Variants in RAP1A observed in about 807,000 individuals in gnomAD.
The protein encoded by RAP1A is ras-related protein Rap-1A.
Under a neutral mutation model 26.4 loss-of-function variants are expected in RAP1A, and 6 were observed. The ratio of observed to expected loss-of-function variants is 0.23; its 90% CI spans 0.12 to 0.45. The LOEUF is 0.45. Among genes scored for constraint, RAP1A ranks in the 20% least tolerant of loss-of-function variants. The pLI is 0.99. For synonymous variants in RAP1A, 73 were observed against 79.4 expected (o/e 0.92, Z 0.43); for missense variants, 121 against 217.2 (o/e 0.56, Z 2.78).
intron 1 of RAP1A, among the ~76,000 whole-genome samples, chr1:111,550,572 T>C (rs1232099524): frequency 1.3e-5 from 2 of 152,242 alleles, no homozygotes; most frequent in African/African-American, 4.8e-5. Flanking sequence ...CTAATGTCTC[T>C]TGCAATTTCT....
chr1:111,544,785 T>A (rs936063102), intron 1 of RAP1A, among the ~76,000 whole-genome samples: 97 of 150,336 alleles, frequency 6.5e-4, no homozygotes, highest in South Asian at 2.6e-3. Flanking sequence ...CATACCCAAT[T>A]TCTTGGGTAT....
At chr1:111,645,686 A>G (rs1660042576) in intron 1 of RAP1A, among the ~76,000 whole-genome samples, 1 of 152,190 alleles carries the variant, frequency 6.6e-6, no homozygotes, top group African/African-American at 2.4e-5. Context: ...ATTTACTCAA[A>G]TAACCCTGCG....
At chr1:111,621,617 A>G (rs1659205706) in intron 1 of RAP1A, among the ~76,000 whole-genome samples, 1 of 152,244 alleles carries the variant, frequency 6.6e-6, no homozygotes, top group Non-Finnish European at 1.5e-5. Flanking sequence ...GGTACCCTAT[A>G]TTAGGATACT....
At chr1:111,555,665 G>A (rs1163212549) in intron 1 of RAP1A, among the ~76,000 whole-genome samples, 2 of 152,044 alleles carry the variant, frequency 1.3e-5, no homozygotes, top group Non-Finnish European at 2.9e-5. Flanking sequence ...AATATTCAAA[G>A]AGATACTGTC....
chr1:111,551,068 A>G (rs1221729686), intron 1 of RAP1A, among the ~76,000 whole-genome samples: 2 of 152,134 alleles, frequency 1.3e-5, no homozygotes, highest in Admixed American at 6.5e-5. Flanking sequence ...TCTTTTTGCT[A>G]CTGTTTGCAG....
chr1:111,711,594 A>C (rs1662387329), intron 7 of RAP1A, among the ~76,000 whole-genome samples: 1 of 152,222 alleles, frequency 6.6e-6, no homozygotes, highest in South Asian at 2.1e-4. Context: ...GATAATACCA[A>C]ATAATAGGTG....
At chr1:111,670,334 C>T (rs1306475501) in intron 1 of RAP1A, among the ~76,000 whole-genome samples, 1 of 151,954 alleles carries the variant, frequency 6.6e-6, no homozygotes, top group Non-Finnish European at 1.5e-5. Flanking sequence ...ATTAGCCGGA[C>T]GTGGTGGCAT....
At chr1:111,588,056 C>T (rs1395463920) in intron 1 of RAP1A, among the ~76,000 whole-genome samples, 1 of 152,212 alleles carries the variant, frequency 6.6e-6, no homozygotes, top group Non-Finnish European at 1.5e-5. Flanking sequence ...ACTGAAACTT[C>T]TCTCTGCGTT....
chr1:111,664,785 T>C (rs1438951885), intron 1 of RAP1A, among the ~76,000 whole-genome samples: 3 of 152,246 alleles, frequency 2.0e-5, no homozygotes, highest in Admixed American at 6.5e-5. Context: ...GTGGCTTTTC[T>C]TCCTAGATAT....
intron 1 of RAP1A, among the ~76,000 whole-genome samples, chr1:111,642,588 C>T (rs1429997135): frequency 4.0e-5 from 6 of 151,622 alleles, no homozygotes; most frequent in African/African-American, 9.7e-5. Context: ...CCTAGGTTCA[C>T]GCCATTCTCC....
At chr1:111,610,046 C>T (rs1330377393) in intron 1 of RAP1A, among the ~76,000 whole-genome samples, 1 of 152,168 alleles carries the variant, frequency 6.6e-6, no homozygotes, top group Admixed American at 6.5e-5. Context: ...ACTATACGCC[C>T]CTTATGACCT....
At chr1:111,573,925 T>C (rs934196044) in intron 1 of RAP1A, among the ~76,000 whole-genome samples, 1 of 152,218 alleles carries the variant, frequency 6.6e-6, no homozygotes, top group Non-Finnish European at 1.5e-5. Flanking sequence ...ACTCTGTTGA[T>C]AGTATCTTTT....
At chr1:111,652,528 T>C (rs1660307215) in intron 1 of RAP1A, among the ~76,000 whole-genome samples, 1 of 152,132 alleles carries the variant, frequency 6.6e-6, no homozygotes, top group Admixed American at 6.6e-5. Flanking sequence ...ATAGGCCATA[T>C]GTGGCTCACA....
chr1:111,638,175 C>A (rs990892444), intron 1 of RAP1A, among the ~76,000 whole-genome samples: 1 of 151,996 alleles, frequency 6.6e-6, no homozygotes, highest in African/African-American at 2.4e-5. Context: ...TTTTGCCTAA[C>A]GCATTTTGCC....
chr1:111,615,042 G>A (rs532358173), upstream of RAP1A, among the ~76,000 whole-genome samples: 1 of 152,244 alleles, frequency 6.6e-6, no homozygotes, highest in Admixed American at 6.5e-5. Context: ...AGAGGGAATG[G>A]AAGGCATTTG....
At chr1:111,661,042 T>C (rs563720888) in intron 1 of RAP1A, among the ~76,000 whole-genome samples, 30 of 152,364 alleles carry the variant, frequency 2.0e-4, no homozygotes, top group African/African-American at 6.3e-4. Flanking sequence ...GACTTGTTTC[T>C]GGCAGGAGAG....
intron 1 of RAP1A, among the ~76,000 whole-genome samples, chr1:111,653,383 T>C (rs749716602): frequency 3.3e-5 from 5 of 151,946 alleles, no homozygotes; most frequent in Non-Finnish European, 5.9e-5. Context: ...CACTGAATTG[T>C]GTACTTGAAA....
intron 1 of RAP1A, among the ~76,000 whole-genome samples, chr1:111,552,747 A>G (rs1435112421): frequency 2.6e-5 from 4 of 152,192 alleles, no homozygotes; most frequent in Admixed American, 1.3e-4. Context: ...CACTTCCTAC[A>G]TGCATGACCT....
chr1:111,664,373 C>CAAAAAAAAA (rs57610280), intron 1 of RAP1A, among the ~76,000 whole-genome samples: 33 of 89,822 alleles, frequency 3.7e-4, no homozygotes, highest in African/African-American at 5.1e-4. Context: ...GACTCCGTCT[C>CAAAAAAAAA]AAAAAAAAAA....
Sources: gnomAD v4.1 joint callset for allele counts (sites outside exome capture counted in the v4.1 genomes callset) on GRCh38, gnomAD v4.1.1 for gene constraint, MANE v1.5 for transcripts, NCBI Gene and HGNC (gene_info 2026-07-23, HGNC 2026-07-21) for gene names.